The following CNTN5 variants were observed in gnomAD, a reference collection of about 807,000 sequenced individuals.
CNTN5 encodes contactin 5, also known as contactin-5.
CNTN5 carries 77 observed loss-of-function variants against 129.1 expected under a neutral mutation model. The ratio of observed to expected loss-of-function variants is 0.60; its 90% CI spans 0.50 to 0.72. The LOEUF (loss-of-function observed/expected upper bound fraction) is 0.72, where lower values mean the gene tolerates loss of function less well. Ranked by LOEUF, CNTN5 falls within the 30% of genes least tolerant of loss-of-function variation. The pLI, the probability that CNTN5 is intolerant of heterozygous loss-of-function variation, is 0.00. For synonymous variants in CNTN5, 509 were observed against 465.6 expected, an observed-to-expected ratio of 1.09 and a Z score of -1.20; for missense variants, 1,478 against 1,328.8, an observed-to-expected ratio of 1.11 and a Z score of -1.75.
At chr11:99,024,598 G>A (rs956213051) in intron 1 of CNTN5, among the ~76,000 whole-genome samples, 4 of 151,890 alleles carry the variant, frequency 2.6e-5, no homozygotes, top group African/African-American at 7.2e-5. Flanking sequence ...TAAAACACAC[G>A]TCTTTAGTTT....
chr11:99,155,792 G>A (rs1318974872), intron 1 of CNTN5, among the ~76,000 whole-genome samples: 1 of 152,106 alleles, frequency 6.6e-6, no homozygotes, highest in East Asian at 1.9e-4. Flanking sequence ...AGTCAAGACA[G>A]TGACACATAT....
chr11:99,212,294 A>C (rs1859842166), intron 1 of CNTN5, among the ~76,000 whole-genome samples: 1 of 152,146 alleles, frequency 6.6e-6, no homozygotes, highest in African/African-American at 2.4e-5. Flanking sequence ...AGCTATACCA[A>C]TCTCCCCTGA....
intron 13 of CNTN5, among the ~76,000 whole-genome samples, chr11:100,090,478 TTTCCCTCCCTC>T (rs1944718650): frequency 1.2e-4 from 13 of 105,816 alleles, no homozygotes; most frequent in East Asian, 3.7e-4. Context: ...TTTTTCTCTC[TTTCCCTCCCTC>T]CTTTCCTCCT....
chr11:100,353,412 T>C (rs1025482451), intron 24 of CNTN5, among the ~76,000 whole-genome samples: 2 of 151,618 alleles, frequency 1.3e-5, no homozygotes, highest in African/African-American at 4.8e-5. Context: ...TTCTGTTGTT[T>C]TGTGGGGTTG....
chr11:99,474,043 A>T (rs1378947065), intron 2 of CNTN5, among the ~76,000 whole-genome samples: 1 of 152,028 alleles, frequency 6.6e-6, no homozygotes, highest in African/African-American at 2.4e-5. Flanking sequence ...GAGTAGTAAT[A>T]TACTCTTTAT....
At chr11:100,012,235 A>G (rs904270699) in intron 9 of CNTN5, among the ~76,000 whole-genome samples, 1 of 152,140 alleles carries the variant, frequency 6.6e-6, no homozygotes, top group African/African-American at 2.4e-5. Context: ...ACACATCCTC[A>G]TTTCAGATGG....
At chr11:99,485,561 CTG>C (rs1945780478) in intron 2 of CNTN5, among the ~76,000 whole-genome samples, 1 of 151,966 alleles carries the variant, frequency 6.6e-6, no homozygotes, top group Admixed American at 6.6e-5. Context: ...TCTCTAAACT[CTG>C]TAATTAATTT....
At chr11:99,976,318 T>A (rs1307614382) in intron 8 of CNTN5, among the ~76,000 whole-genome samples, 1 of 152,182 alleles carries the variant, frequency 6.6e-6, no homozygotes, top group Non-Finnish European at 1.5e-5. Context: ...TGTTGGTGGA[T>A]CTAGCATTCT....
intron 3 of CNTN5, among the ~76,000 whole-genome samples, chr11:99,699,898 A>C (rs960720945): frequency 1.3e-5 from 2 of 151,530 alleles, no homozygotes; most frequent in Non-Finnish European, 3.0e-5. Context: ...TTACTTGATT[A>C]CACTTAAAAG....
At chr11:99,057,899 GT>G (rs1474735902) in intron 1 of CNTN5, among the ~76,000 whole-genome samples, 1 of 151,512 alleles carries the variant, frequency 6.6e-6, no homozygotes, top group Admixed American at 6.6e-5. Flanking sequence ...TTTATCTAGA[GT>G]TGCCATAGAA....
intron 3 of CNTN5, among the ~76,000 whole-genome samples, chr11:99,620,924 A>AT (rs145146194): frequency 1.8e-5 from 2 of 110,548 alleles, no homozygotes; most frequent in Non-Finnish European, 4.1e-5. Context: ...TATACTTAGA[A>AT]TTTTTTTTCT....
intron 8 of CNTN5, among the ~76,000 whole-genome samples, chr11:99,990,175 T>C (rs1433439764): frequency 6.6e-6 from 1 of 152,074 alleles, no homozygotes; most frequent in Non-Finnish European, 1.5e-5. Context: ...TTGATGCACA[T>C]GGAAGGAGCC....
intron 2 of CNTN5, among the ~76,000 whole-genome samples, chr11:99,545,137 C>T (rs749772959): frequency 6.6e-6 from 1 of 152,158 alleles, no homozygotes; most frequent in Non-Finnish European, 1.5e-5. Flanking sequence ...TTTGCCTTGC[C>T]TTTAGAGAAT....
intron 7 of CNTN5, among the ~76,000 whole-genome samples, chr11:99,948,462 C>G (rs970652503): frequency 6.6e-6 from 1 of 152,128 alleles, no homozygotes; most frequent in African/African-American, 2.4e-5. Flanking sequence ...TGCTTTTGTT[C>G]TGGTCTGGTG....
At chr11:99,726,919 C>T (rs550702267) in intron 3 of CNTN5, among the ~76,000 whole-genome samples, 5 of 152,072 alleles carry the variant, frequency 3.3e-5, no homozygotes, top group South Asian at 2.1e-4. Flanking sequence ...TATTAGACAC[C>T]GACTTGAAAA....
At chr11:99,804,575 T>A (rs1328479635) in intron 3 of CNTN5, among the ~76,000 whole-genome samples, 1 of 151,548 alleles carries the variant, frequency 6.6e-6, no homozygotes, top group Admixed American at 6.6e-5. Flanking sequence ...CATTTAATTT[T>A]ATTTTTATAA....
At chr11:99,381,670 T>G (rs17133436) in intron 2 of CNTN5, among the ~76,000 whole-genome samples, 1 of 152,158 alleles carries the variant, frequency 6.6e-6, no homozygotes, top group Non-Finnish European at 1.5e-5. Context: ...GTCCCTATTA[T>G]CAGCAGAAAT....
intron 3 of CNTN5, chr11:99,558,403 C>A: frequency 3.7e-6 from 1 of 267,736 alleles, no homozygotes; most frequent in Non-Finnish European, 7.5e-6. Context: ...TTGTTTTTAG[C>A]TCTGGTATGT....
intron 2 of CNTN5, among the ~76,000 whole-genome samples, chr11:99,334,780 A>G (rs889219194): frequency 2.8e-4 from 42 of 152,112 alleles, no homozygotes; most frequent in African/African-American, 9.9e-4. Context: ...TGTAGAAATT[A>G]TAATATTTTA....
Sources: gnomAD v4.1 joint callset for allele counts (sites outside exome capture counted in the v4.1 genomes callset) on GRCh38, gnomAD v4.1.1 for gene constraint, MANE v1.5 for transcripts, NCBI Gene and HGNC (gene_info 2026-07-23, HGNC 2026-07-21) for gene names.